ZFR2: variants seen among roughly 807,000 people sequenced by gnomAD.
ZFR2 encodes the protein zinc finger RNA binding protein 2, also known as zinc finger RNA-binding protein 2.
A neutral mutation model predicts 105.7 loss-of-function variants in ZFR2; 104 were observed. The ratio of observed to expected loss-of-function variants is 0.98; its 90% CI spans 0.84 to 1.16. ZFR2 has a LOEUF of 1.16. Among genes scored for constraint, ZFR2 ranks in the 50% most tolerant of loss-of-function variants. ZFR2 has a pLI of 0.00. For synonymous variants in ZFR2, 634 were observed against 597.7 expected, an observed-to-expected ratio of 1.06 and a Z score of -0.89; for missense variants, 1,425 against 1,355.5, an observed-to-expected ratio of 1.05 and a Z score of -0.80.
chr19:3,834,678 T>C lies in ZFR2; in HGVS notation c.264+95A>G. The C allele has an allele frequency of 4.6e-6, 6 of 1,308,492 alleles. No homozygotes were observed. Among genetic ancestry groups the C allele is most frequent in the Non-Finnish European group, 6.4e-6 (6 of 933,136 alleles). The allele number at this position is 1,308,492 out of a possible 1,614,324, so 81.1% of individuals were successfully genotyped here. ...AAGGAAGGATCACGGTTAAGAGGCC[T>C]GGGAGAAGGAGTAGCTGTGGGAAGC... On this transcript the variant is annotated intron_variant, in intron 2 of 18. Coordinates refer to ENST00000262961, the MANE Select transcript of ZFR2 (RefSeq NM_015174.2). This position sits in a 1 kb window ranked among gnomAD's most constrained non-coding sequence, Gnocchi z 5.3.
chr19:3,867,153 A>AC (rs200903924), intron 1 of ZFR2, among the ~76,000 whole-genome samples: 3,478 of 151,672 alleles, frequency 0.023, 124 homozygotes, highest in African/African-American at 0.079. Flanking sequence ...GGGGGCAAAG[A>AC]CCCCCCTGAG....
chr19:3,842,329 T>C (rs4239603), intron 1 of ZFR2, among the ~76,000 whole-genome samples: 119,795 of 152,050 alleles, frequency 0.79, 47,633 homozygotes, highest in East Asian at 0.89. Context: ...AACTCTACCA[T>C]AGCAACGAGA....
intron 1 of ZFR2, among the ~76,000 whole-genome samples, chr19:3,865,747 G>A (rs751801228): frequency 2.6e-5 from 4 of 152,160 alleles, no homozygotes; most frequent in Non-Finnish European, 5.9e-5. Context: ...TGAAACAGGT[G>A]TTGTAAATAC....
intron 1 of ZFR2, among the ~76,000 whole-genome samples, chr19:3,839,716 T>C (rs2038116853): frequency 6.6e-6 from 1 of 152,098 alleles, no homozygotes; most frequent in Non-Finnish European, 1.5e-5. Flanking sequence ...TGGCTGTATT[T>C]GTGTCAGAGC....
chr19:3,810,949 G>T, intron 15 of ZFR2, 104 bp from the exon 16 acceptor site: 1 of 1,265,280 alleles, frequency 7.9e-7, no homozygotes, highest in Non-Finnish European at 1.1e-6. Flanking sequence ...ATAATAGGGA[G>T]CCTGGCGGGC....
chr19:3,823,180 C>T lies in ZFR2; in HGVS notation c.1371+66G>A, dbSNP rs752039340. 8.1e-6 allele frequency: 13 copies of T among 1,607,532 alleles called. No homozygotes were observed. Among genetic ancestry groups the T allele is most frequent in the Middle Eastern group, 1.6e-4 (1 of 6,074 alleles). On this transcript the variant is annotated intron_variant, in intron 8 of 18. Coordinates refer to ENST00000262961, the MANE Select transcript of ZFR2 (RefSeq NM_015174.2). The surrounding 1 kb of genome is among the most constrained non-coding windows in gnomAD (Gnocchi z 5.4). ...CGCTGGGAGAAGCCGGGTGAGGTCT[C>T]GAAGCCTGATCCATGGGAAGGTCCT...
intron 3 of ZFR2, among the ~76,000 whole-genome samples, chr19:3,832,391 G>A (rs367734297): frequency 9.7e-4 from 146 of 150,712 alleles, no homozygotes; most frequent in Middle Eastern, 6.9e-3. Flanking sequence ...GCATGATCTC[G>A]GCTCACTGCA....
intron 1 of ZFR2, chr19:3,852,301 C>G (rs1056092198): frequency 3.2e-5 from 20 of 616,548 alleles, no homozygotes; most frequent in African/African-American, 3.0e-4. Context: ...TGGGGTTCAG[C>G]TGGGTGGCAA....
chr19:3,843,120 G>A (rs1347141981), intron 1 of ZFR2, among the ~76,000 whole-genome samples: 1 of 152,206 alleles, frequency 6.6e-6, no homozygotes, highest in Non-Finnish European at 1.5e-5. Flanking sequence ...TTACACCAAT[G>A]TTCACAGCAG....
At chr19:3,808,776 C>G in intron 17 of ZFR2, 96 bp downstream of exon 17, 1 of 1,042,644 alleles carries the variant, frequency 9.6e-7, no homozygotes, top group Non-Finnish European at 1.4e-6. Flanking sequence ...GACACTTCCT[C>G]TGTGTCTGTG....
At chr19:3,820,830 CGGGGG>C (rs2037882525) in intron 10 of ZFR2, among the ~76,000 whole-genome samples, 1 of 62,038 alleles carries the variant, frequency 1.6e-5, no homozygotes, top group African/African-American at 5.9e-5. Flanking sequence ...CACTAGAGGT[CGGGGG>C]ACACAGGGAC....
At chr19:3,812,195 T>C (rs962629974) in intron 14 of ZFR2, among the ~76,000 whole-genome samples, 2 of 151,594 alleles carry the variant, frequency 1.3e-5, no homozygotes, top group African/African-American at 4.9e-5. Context: ...CCGCCGGCCT[T>C]GGCCTCCCAA....
intron 1 of ZFR2, among the ~76,000 whole-genome samples, chr19:3,847,803 C>A (rs922944303): frequency 6.6e-6 from 1 of 152,160 alleles, no homozygotes; most frequent in Admixed American, 6.5e-5. Flanking sequence ...CCTACACCAC[C>A]CACAAGGCAC....
chr19:3,822,352 A>C (rs1415070042), intron 8 of ZFR2, among the ~76,000 whole-genome samples, 152 bp from the exon 9 acceptor site: 3 of 151,684 alleles, frequency 2.0e-5, no homozygotes, highest in Admixed American at 6.6e-5. Context: ...GTGTCACCCA[A>C]GCTGGAGTGG....
At chr19:3,864,659 C>G (rs534530311) in intron 1 of ZFR2, among the ~76,000 whole-genome samples, 1 of 152,256 alleles carries the variant, frequency 6.6e-6, no homozygotes, top group Non-Finnish European at 1.5e-5. Context: ...ATGTACAGAC[C>G]CTGTTGGAGC....
Position 3,834,877 on chromosome 19 carries a change from G to A in ZFR2, c.160C>T (p.Pro54Ser). The change falls in exon 2 of 19, where the codon CCG becomes TCG. Residue 54 changes from proline to serine, a missense_variant. By Grantham distance (74) the Pro-to-Ser change is moderately conservative. Coordinates refer to ENST00000262961, the MANE Select transcript of ZFR2 (RefSeq NM_015174.2). The surrounding 1 kb of genome is among the most constrained non-coding windows in gnomAD (Gnocchi z 5.3). ...AVNPAFPPAA[P>S]AGYGGYQPHS... is the part of the protein sequence containing the mutation. ...GGCTGGTATCCACCGTACCCTGCCG[G>A]GGCAGCTGGGGGAAAGGCCGGGTTC... 1.2e-6 allele frequency: 2 copies of A among 1,611,806 alleles called. No homozygotes were observed. The highest frequency in any genetic ancestry group is 1.7e-6 in the Non-Finnish European group (2 of 1,179,120).
In ZFR2 at chr19:3,816,576, T is replaced by C. The variant is rs2037826456; in HGVS notation, c.2103+98A>G. ...CTTCTTGTACCTTAAAGTTGTGTAG[T>C]AACAAAGGTCCCCTGCCATCTAGGA... is the stretch of plus-strand genomic sequence containing the variant. On this transcript the variant is annotated intron_variant, in intron 13 of 18. Transcript: ENST00000262961. The C allele has an allele frequency of 2.1e-6, 3 of 1,458,422 alleles. No homozygotes were observed. The South Asian group carries it at 4.2e-5, about 21-fold the overall frequency. 90.3% of individuals were successfully genotyped at this position (1,458,422 alleles called of 1,614,324 possible).
rs59613513 is a variant in ZFR2 at position 3,809,636 on chromosome 19, G to A, written c.2434-653C>T. Among the ~76,000 whole-genome samples, 1,372 of 152,298 alleles carry A rather than the reference G, an allele frequency of 9.0e-3. 35 individuals are homozygous for A. Among genetic ancestry groups the A allele is most frequent in the East Asian group, 0.078 (405 of 5,176 alleles). On this transcript the variant is annotated intron_variant, in intron 16 of 18. Coordinates refer to ENST00000262961, the MANE Select transcript of ZFR2 (RefSeq NM_015174.2). ...ACCTCCTCCCAGGAGAGGAGAGGAC[G>A]TTTCCCCTAAACAATGAGTGTGAAA...
chr19:3,818,569 T>C (rs1266055156), intron 12 of ZFR2, among the ~76,000 whole-genome samples: 1 of 152,184 alleles, frequency 6.6e-6, no homozygotes, highest in African/African-American at 2.4e-5. Context: ...GTTATCTCCA[T>C]GGCAATTACT....
Sources: allele counts gnomAD v4.1 joint callset (sites outside exome capture counted in the v4.1 genomes callset), GRCh38; gene constraint gnomAD v4.1.1; non-coding constraint Gnocchi (gnomAD v3.1); transcripts MANE v1.5; gene names NCBI Gene and HGNC (gene_info 2026-07-23, HGNC 2026-07-21).